SPAG9: variants seen among roughly 807,000 people sequenced by gnomAD.
SPAG9 encodes the protein sperm associated antigen 9.
SPAG9 carries 35 observed loss-of-function variants against 166.5 expected under a neutral mutation model. The ratio of observed to expected loss-of-function variants is 0.21; its 90% CI spans 0.16 to 0.28. The LOEUF (loss-of-function observed/expected upper bound fraction) is 0.28, where lower values mean the gene tolerates loss of function less well. Among genes scored for constraint, SPAG9 ranks in the 10% least tolerant of loss-of-function variants. SPAG9 has a pLI of 1.00. For synonymous variants in SPAG9, 534 were observed against 565.5 expected (o/e 0.94, Z 0.79); for missense variants, 1,235 against 1,603.3 (o/e 0.77, Z 3.92).
At chr17:51,023,059 GT>G (rs1288093514) in intron 6 of SPAG9, among the ~76,000 whole-genome samples, 4 of 148,894 alleles carry the variant, frequency 2.7e-5, no homozygotes, top group African/African-American at 9.8e-5. Flanking sequence ...CTAAACCTTT[GT>G]TTTATCATCT....
At chr17:51,078,224 G>A (rs895202711) in intron 2 of SPAG9, among the ~76,000 whole-genome samples, 5 of 152,110 alleles carry the variant, frequency 3.3e-5, no homozygotes, top group Admixed American at 6.5e-5. Flanking sequence ...ATTTTCTCTC[G>A]CTCAAGTTGG....
Position 51,021,182 on chromosome 17 carries a change from G to C in SPAG9, c.967C>G (p.Gln323Glu). The change falls in exon 7 of 30, where the codon CAG becomes GAG. Residue 323 changes from glutamine (Q) to glutamate (E), a missense_variant. Around this residue, in one of 6 missense-constraint regions of SPAG9, gnomAD observed 288 missense variants for 323.7 expected, o/e 0.89. Coordinates refer to ENST00000262013, the MANE Select transcript of SPAG9 (RefSeq NM_001130528.3). ...ISKHIEVQVA[Q>E]ETRNVSTGSA... ...CCAGTAGATACATTTCTAGTTTCCT[G>C]GGCTACCTGTACTTCAATGTGTTTG... 6.2e-7 allele frequency: 1 copy of C among 1,613,856 alleles called. No individual in the cohort carries two copies. The highest frequency in any genetic ancestry group is 8.5e-7 in the Non-Finnish European group (1 of 1,179,908).
chr17:51,103,886 G>A (rs1315055027), intron 1 of SPAG9, among the ~76,000 whole-genome samples: 1 of 152,130 alleles, frequency 6.6e-6, no homozygotes, highest in African/African-American at 2.4e-5. Context: ...CACTTTCAAC[G>A]TGCTAGCTAC....
chr17:51,016,532 T>C (rs1445273655), intron 8 of SPAG9, among the ~76,000 whole-genome samples: 2 of 152,238 alleles, frequency 1.3e-5, no homozygotes, highest in Admixed American at 6.5e-5. Context: ...GCCAGTGATT[T>C]AGTAACAGGT....
At chr17:50,980,030 T>C (rs1032431756) in intron 25 of SPAG9, 113 bp from the exon 26 acceptor site, 14 of 870,850 alleles carry the variant, frequency 1.6e-5, no homozygotes, top group Non-Finnish European at 2.1e-5. Context: ...CCAAATATTA[T>C]ATATTAAACA....
In SPAG9 at chr17:51,032,564, C is replaced by A. The variant is rs571423137; in HGVS notation, c.742-842G>T. ...TGTGTTTCTCTTAAATACAAAGCAA[C>A]AGTTTCAAATACTCTTGGTCTGGAA... On this transcript the variant is annotated intron_variant, in intron 5 of 29. Transcript: ENST00000262013. Among the ~76,000 whole-genome samples, 34 of 152,238 alleles carry A rather than the reference C, an allele frequency of 2.2e-4. 1 individual carries two copies. The South Asian group carries it at 6.8e-3, about 31-fold the overall frequency.
intron 1 of SPAG9, among the ~76,000 whole-genome samples, chr17:51,117,847 CTG>C (rs910992650): frequency 1.3e-5 from 2 of 150,926 alleles, no homozygotes; most frequent in African/African-American, 4.9e-5. Flanking sequence ...TATGTGAAAA[CTG>C]ATGGCCGGGT....
intron 1 of SPAG9, among the ~76,000 whole-genome samples, chr17:51,117,433 C>T (rs574816291): frequency 1.2e-4 from 19 of 152,216 alleles, no homozygotes; most frequent in African/African-American, 3.4e-4. Context: ...CACAAACAGG[C>T]CGGCACGGTG....
intron 2 of SPAG9, among the ~76,000 whole-genome samples, chr17:51,071,072 C>G (rs1271771703): frequency 6.6e-6 from 1 of 151,982 alleles, no homozygotes; most frequent in Non-Finnish European, 1.5e-5. Context: ...TCCCCTTCCT[C>G]CCCCCACTAA....
intron 18 of SPAG9, among the ~76,000 whole-genome samples, chr17:50,994,831 G>A (rs368874165): frequency 2.9e-4 from 44 of 150,644 alleles, no homozygotes; most frequent in African/African-American, 1.0e-3. Context: ...GATTACATAC[G>A]TGTACACATG....
intron 3 of SPAG9, among the ~76,000 whole-genome samples, chr17:51,051,050 GAAAA>G (rs2047168898): frequency 7.4e-6 from 1 of 135,644 alleles, no homozygotes; most frequent in Admixed American, 7.2e-5. Context: ...AAAACAAAAA[GAAAA>G]AGAAAGAAGG....
chr17:50,981,519 TAGATAGATAGAAAGAA>T (rs1365933073), intron 25 of SPAG9, among the ~76,000 whole-genome samples: 3 of 124,824 alleles, frequency 2.4e-5, no homozygotes, highest in Admixed American at 1.6e-4. Flanking sequence ...GATAGATAGA[TAGATAGATAGAAAGAA>T]AGAAAGAAAG....
At chr17:51,077,077 G>T (rs62062984) in intron 2 of SPAG9, among the ~76,000 whole-genome samples, 18 of 116,246 alleles carry the variant, frequency 1.5e-4, no homozygotes, top group Admixed American at 1.1e-3. Context: ...TAGCTATCTA[G>T]CTATCTAGCT....
chr17:51,083,289 C>T (rs934480356), intron 1 of SPAG9, among the ~76,000 whole-genome samples: 1 of 148,090 alleles, frequency 6.8e-6, no homozygotes, highest in Non-Finnish European at 1.5e-5. Context: ...GGCTGGAGTG[C>T]GCTGGTACCA....
At chr17:51,098,042 T>A (rs1298505376) in intron 1 of SPAG9, among the ~76,000 whole-genome samples, 1 of 152,166 alleles carries the variant, frequency 6.6e-6, no homozygotes, top group East Asian at 1.9e-4. Flanking sequence ...CAGGCTGGTT[T>A]CAAACTCCTG....
At chr17:51,057,750 C>G (rs2047398980) in intron 2 of SPAG9, among the ~76,000 whole-genome samples, 1 of 152,212 alleles carries the variant, frequency 6.6e-6, no homozygotes, top group South Asian at 2.1e-4. Context: ...CAAACACACA[C>G]TACAGTACCC....
intron 14 of SPAG9, 72 bp from the exon 15 acceptor site, chr17:50,998,689 A>C: frequency 7.0e-7 from 1 of 1,433,596 alleles, no homozygotes; most frequent in Non-Finnish European, 9.6e-7. Context: ...ACAAACTTTA[A>C]TGTTGAAGAA....
intron 5 of SPAG9, among the ~76,000 whole-genome samples, chr17:51,037,685 A>ATATATATATATATATATATAGT: frequency 1.2e-5 from 1 of 83,508 alleles, no homozygotes; most frequent in African/African-American, 3.9e-5. Flanking sequence ...ATATATATAT[A>ATATATATATATATATATATAGT]GTGTGTGTGT....
intron 4 of SPAG9, among the ~76,000 whole-genome samples, chr17:51,045,168 G>A (rs1404911252): frequency 6.6e-6 from 1 of 152,150 alleles, no homozygotes; most frequent in Non-Finnish European, 1.5e-5. Context: ...TTTGCACCCA[G>A]GCAGTTCAAT....
Sources: allele counts gnomAD v4.1 joint callset (sites outside exome capture counted in the v4.1 genomes callset), GRCh38; gene constraint gnomAD v4.1.1; regional missense constraint gnomAD v4.1.1; transcripts MANE v1.5; gene names NCBI Gene and HGNC (gene_info 2026-07-23, HGNC 2026-07-21).